PRKAR2B: variants seen among roughly 807,000 people sequenced by gnomAD.
The protein encoded by PRKAR2B is cAMP-dependent protein kinase type II-beta regulatory subunit.
PRKAR2B carries 14 observed loss-of-function variants against 49.9 expected under a neutral mutation model. The ratio of observed to expected loss-of-function variants is 0.28; its 90% CI spans 0.19 to 0.44. PRKAR2B has a LOEUF of 0.44. Ranked by LOEUF, PRKAR2B falls within the 20% of genes least tolerant of loss-of-function variation. The pLI is 1.00. For synonymous variants in PRKAR2B, 196 were observed against 197.7 expected, an observed-to-expected ratio of 0.99 and a Z score of 0.07; for missense variants, 393 against 537.9, an observed-to-expected ratio of 0.73 and a Z score of 2.67.
At chr7:107,058,651 A>G (rs1793961727) in intron 1 of PRKAR2B, among the ~76,000 whole-genome samples, 1 of 152,190 alleles carries the variant, frequency 6.6e-6, no homozygotes, top group Non-Finnish European at 1.5e-5. Context: ...TAATTCCTTG[A>G]AATACCTTTC....
At chr7:107,142,118 G>C (rs1795800478) in intron 5 of PRKAR2B, among the ~76,000 whole-genome samples, 1 of 152,084 alleles carries the variant, frequency 6.6e-6, no homozygotes, top group South Asian at 2.1e-4. Flanking sequence ...TGACTTACTG[G>C]GTTACGTTTG....
At chr7:107,079,729 A>G (rs892899735) in intron 2 of PRKAR2B, among the ~76,000 whole-genome samples, 1 of 152,002 alleles carries the variant, frequency 6.6e-6, no homozygotes, top group African/African-American at 2.4e-5. Context: ...ACTGTTACAC[A>G]TCGTTTGATG....
At chr7:107,095,459 T>C (rs1479474179) in intron 2 of PRKAR2B, among the ~76,000 whole-genome samples, 3 of 152,222 alleles carry the variant, frequency 2.0e-5, no homozygotes, top group African/African-American at 4.8e-5. Flanking sequence ...CAGGGACAAT[T>C]TGACTTCCTC....
At chr7:107,056,677 TTG>T (rs1793919018) in intron 1 of PRKAR2B, among the ~76,000 whole-genome samples, 1 of 152,196 alleles carries the variant, frequency 6.6e-6, no homozygotes, top group Non-Finnish European at 1.5e-5. Context: ...TCCTGAGACT[TTG>T]CTGAAGTTGC....
intron 1 of PRKAR2B, among the ~76,000 whole-genome samples, chr7:107,057,211 G>C (rs1793933577): frequency 6.6e-6 from 1 of 152,126 alleles, no homozygotes; most frequent in Non-Finnish European, 1.5e-5. Flanking sequence ...CTCCAGCACA[G>C]ACCTGTCTCT....
chr7:107,145,889 G>GC (rs1795883608), intron 5 of PRKAR2B, among the ~76,000 whole-genome samples: 2 of 151,406 alleles, frequency 1.3e-5, no homozygotes, highest in Admixed American at 1.3e-4. Flanking sequence ...ATGGGATCCC[G>GC]CCATCACACC....
chr7:107,100,873 G>A (rs1040496693), intron 2 of PRKAR2B, among the ~76,000 whole-genome samples: 13 of 148,390 alleles, frequency 8.8e-5, no homozygotes, highest in South Asian at 2.1e-4. Flanking sequence ...TTATTGAGTC[G>A]TTTTTACTCT....
At chr7:107,136,982 A>G (rs577770978) in intron 4 of PRKAR2B, among the ~76,000 whole-genome samples, 2 of 152,240 alleles carry the variant, frequency 1.3e-5, no homozygotes, top group African/African-American at 2.4e-5. Context: ...TGATCTAGTT[A>G]TGAAAAGACA....
intron 2 of PRKAR2B, among the ~76,000 whole-genome samples, chr7:107,079,024 G>A (rs1794463208): frequency 6.6e-6 from 1 of 152,148 alleles, no homozygotes; most frequent in Non-Finnish European, 1.5e-5. Flanking sequence ...CAAACCCCGT[G>A]TGCCTTAATT....
chr7:107,159,424 A>G, intron 10 of PRKAR2B, 25 bp from the exon 11 acceptor site: 1 of 1,594,112 alleles, frequency 6.3e-7, no homozygotes, highest in Non-Finnish European at 8.6e-7. Context: ...AATGTTATTT[A>G]AAAAAAAATC....
chr7:107,109,273 T>C (rs887333641), intron 2 of PRKAR2B, among the ~76,000 whole-genome samples: 2 of 152,148 alleles, frequency 1.3e-5, no homozygotes, highest in Non-Finnish European at 2.9e-5. Flanking sequence ...ATTTTGTTTT[T>C]TTAAGAGACA....
intron 1 of PRKAR2B, among the ~76,000 whole-genome samples, chr7:107,060,890 T>C (rs1409115421): frequency 6.6e-6 from 1 of 152,186 alleles, no homozygotes; most frequent in Non-Finnish European, 1.5e-5. Flanking sequence ...TTGTAAGTCT[T>C]GAGTTTCATC....
intron 2 of PRKAR2B, among the ~76,000 whole-genome samples, chr7:107,072,312 C>G (rs1794295778): frequency 6.6e-6 from 1 of 151,772 alleles, no homozygotes; most frequent in Non-Finnish European, 1.5e-5. Context: ...AAATTGTTAT[C>G]CCAATAATAT....
At chr7:107,137,695 C>T (rs1025667439) in intron 4 of PRKAR2B, among the ~76,000 whole-genome samples, 1 of 152,166 alleles carries the variant, frequency 6.6e-6, no homozygotes, top group Non-Finnish European at 1.5e-5. Context: ...TTTTCCCACA[C>T]GGTCTCCAAC....
At chr7:107,065,031 C>A (rs986665871) in intron 1 of PRKAR2B, among the ~76,000 whole-genome samples, 1 of 152,120 alleles carries the variant, frequency 6.6e-6, no homozygotes. Context: ...TTCATTTATT[C>A]TGCACTAAAT....
At chr7:107,096,287 G>A (rs6952920) in intron 2 of PRKAR2B, among the ~76,000 whole-genome samples, 60,135 of 151,996 alleles carry the variant, frequency 0.4, 14,589 homozygotes, top group Non-Finnish European at 0.51. Context: ...TAGTTGATTT[G>A]CATAGAGGTG....
intron 1 of PRKAR2B, among the ~76,000 whole-genome samples, chr7:107,060,540 A>AT (rs1794006828): frequency 1.3e-5 from 2 of 151,736 alleles, no homozygotes; most frequent in Non-Finnish European, 2.9e-5. Flanking sequence ...TTCTTTGAAA[A>AT]TTTTTTGCCA....
chr7:107,124,540 C>G (rs1047284492), intron 3 of PRKAR2B, among the ~76,000 whole-genome samples: 3 of 152,244 alleles, frequency 2.0e-5, no homozygotes, highest in African/African-American at 7.2e-5. Flanking sequence ...GCCTCAGCCT[C>G]CCGAGTAGCT....
At chr7:107,089,668 G>A (rs979056636) in intron 2 of PRKAR2B, among the ~76,000 whole-genome samples, 7 of 152,310 alleles carry the variant, frequency 4.6e-5, no homozygotes, top group Non-Finnish European at 8.8e-5. Context: ...CAGTGGTTCT[G>A]AAATACATGG....
Sources: gnomAD v4.1 joint callset for allele counts (sites outside exome capture counted in the v4.1 genomes callset) on GRCh38, gnomAD v4.1.1 for gene constraint, MANE v1.5 for transcripts, NCBI Gene and HGNC (gene_info 2026-07-23, HGNC 2026-07-21) for gene names.